The following CNST variants were observed in gnomAD, a reference collection of about 807,000 sequenced individuals.
CNST encodes the protein consortin, connexin sorting protein, also known as consortin.
A neutral mutation model predicts 72.4 loss-of-function variants in CNST; 39 were observed. That is an observed-to-expected ratio of 0.54 (90% CI 0.42 to 0.70). The LOEUF (loss-of-function observed/expected upper bound fraction) is 0.70. Ranked by LOEUF, CNST falls within the 30% of genes least tolerant of loss-of-function variation. The pLI is 0.00. For missense variants in CNST, 871 were observed against 868.5 expected (o/e 1.00, Z -0.04); for synonymous variants, 332 against 320.1 (o/e 1.04, Z -0.40).
chr1:246,623,684 C>CTAA (rs1280437274), intron 3 of CNST, among the ~76,000 whole-genome samples: 4 of 152,032 alleles, frequency 2.6e-5, no homozygotes, highest in Admixed American at 2.0e-4. Context: ...ATTGCTTGAA[C>CTAA]CCAGGAGGCG....
At chr1:246,600,497 G>A (rs1268879140) in intron 2 of CNST, among the ~76,000 whole-genome samples, 1 of 152,174 alleles carries the variant, frequency 6.6e-6, no homozygotes, top group Non-Finnish European at 1.5e-5. Flanking sequence ...TAATGAGAGA[G>A]TAGCTGTACG....
chr1:246,589,824 G>A (rs548933336), intron 1 of CNST, among the ~76,000 whole-genome samples: 10 of 152,134 alleles, frequency 6.6e-5, no homozygotes, highest in Admixed American at 6.5e-5. Context: ...GTGTGAGATG[G>A]TATCTCACTG....
rs147426787 is a variant in CNST, at chr1:246,591,630, A to C, written c.68A>C (p.Asp23Ala). ...IEPQDGCHPGDSVERSVTCLP... is the reference protein window; with the variant it reads ...IEPQDGCHPGASVERSVTCLP... ...CCACAAGATGGATGTCATCCTGGTGACAGCGTGGAAAGGAGTGTGACCTGT... is the reference window on the plus strand; with the variant it reads ...CCACAAGATGGATGTCATCCTGGTGCCAGCGTGGAAAGGAGTGTGACCTGT... Residue 23 changes from aspartate (D) to alanine (A), a missense_variant, in exon 2 of 11, where the codon GAC becomes GCC. Coordinates refer to ENST00000366513, the MANE Select transcript of CNST (RefSeq NM_152609.3). 6.2e-7 allele frequency: 1 copy of C among 1,614,232 alleles called. No individual in the cohort carries two copies. The highest frequency in any genetic ancestry group is 1.3e-5 in the African/African-American group (1 of 75,064).
At chr1:246,637,291 G>T (rs891488969) in intron 6 of CNST, among the ~76,000 whole-genome samples, 1 of 152,168 alleles carries the variant, frequency 6.6e-6, no homozygotes, top group African/African-American at 2.4e-5. Context: ...GTCCACTTTG[G>T]TTGTAGCTTT....
intron 1 of CNST, among the ~76,000 whole-genome samples, chr1:246,575,471 G>A (rs903572788): frequency 5.3e-5 from 8 of 152,120 alleles, no homozygotes; most frequent in Admixed American, 5.2e-4. Flanking sequence ...GCAATAGACC[G>A]CATATTGTAT....
intron 1 of CNST, among the ~76,000 whole-genome samples, chr1:246,584,496 A>G (rs1236511777): frequency 6.6e-6 from 1 of 152,170 alleles, no homozygotes; most frequent in Non-Finnish European, 1.5e-5. Context: ...TCTTTCCATT[A>G]TGATGAAAAA....
Position 246,578,429 on chromosome 1 carries a change from T to C in CNST, c.-52+11766T>C, listed in dbSNP as rs1056044773. 9.9e-5 allele frequency among the ~76,000 whole-genome samples: 15 copies of C among 151,988 alleles called. 1 individual carries two copies. Among genetic ancestry groups the C allele is most frequent in the African/African-American group, 3.6e-4 (15 of 41,270 alleles). On this transcript the variant is annotated intron_variant, in intron 1 of 10. Coordinates refer to ENST00000366513, the MANE Select transcript of CNST (RefSeq NM_152609.3). The stretch of plus-strand genomic sequence containing the variant: ...GGCTCACGCCTGTAATCCCAGCACT[T>C]TGGGAGGCTGAGGTGGGCGGATCAT...
chr1:246,574,664 C>T (rs1032000326), intron 1 of CNST, among the ~76,000 whole-genome samples: 4 of 151,868 alleles, frequency 2.6e-5, no homozygotes, highest in African/African-American at 4.8e-5. Context: ...CCTCCAGGAG[C>T]GATCCTCCAG....
intron 9 of CNST, among the ~76,000 whole-genome samples, chr1:246,652,890 G>T (rs1463447728): frequency 6.6e-6 from 1 of 151,222 alleles, no homozygotes; most frequent in East Asian, 1.9e-4. Flanking sequence ...TGTAGTCCCA[G>T]CTACTCGGGA....
rs901751968 is a variant in CNST at position 246,667,676 on chromosome 1, G to A, written c.*1771G>A. On this transcript the variant is annotated 3_prime_UTR_variant, in exon 11 of 11. Coordinates refer to ENST00000366513, the MANE Select transcript of CNST (RefSeq NM_152609.3). The stretch of plus-strand genomic sequence containing the variant: ...AAATTGTATGTAAAATATGTAAAAT[G>A]TTGACGGTACTATATTAAGTGGTTC... The A allele has an allele frequency of 6.6e-6, 1 of 152,148 alleles. No individual in the cohort carries two copies. The highest frequency in any genetic ancestry group is 2.4e-5 in the African/African-American group (1 of 41,418). 9.4% of individuals were successfully genotyped at this position (152,148 alleles called of 1,614,324 possible).
intron 9 of CNST, among the ~76,000 whole-genome samples, chr1:246,654,781 A>G (rs1666681452): frequency 6.6e-6 from 1 of 151,836 alleles, no homozygotes; most frequent in East Asian, 1.9e-4. Flanking sequence ...TACTCAAACA[A>G]GTATTTGCTA....
chr1:246,646,747 T>C (rs904718512), intron 8 of CNST, among the ~76,000 whole-genome samples: 8 of 152,246 alleles, frequency 5.3e-5, no homozygotes, highest in Non-Finnish European at 1.2e-4. Flanking sequence ...CCCAAAGTGC[T>C]GGGACTACAG....
intron 1 of CNST, among the ~76,000 whole-genome samples, chr1:246,576,563 T>G (rs1660449951): frequency 6.6e-6 from 1 of 151,366 alleles, no homozygotes; most frequent in Non-Finnish European, 1.5e-5. Context: ...TGGTATGATC[T>G]CCACTCACTG....
In CNST at chr1:246,639,703, C is replaced by T. The variant is rs576285246; in HGVS notation, c.819-2046C>T. On this transcript the variant is annotated intron_variant, in intron 6 of 10. Coordinates refer to ENST00000366513, the MANE Select transcript of CNST (RefSeq NM_152609.3). ...AGGTTGTGAGCAAGGGCCCGGGTTT[C>T]GGCACCAGGTGCAAGGCACTAGTAT... Among the ~76,000 whole-genome samples, 41 of 152,264 alleles carry T rather than the reference C, an allele frequency of 2.7e-4. No homozygotes were observed. In the South Asian group the frequency reaches 6.2e-3, roughly 23 times the overall value.
At chr1:246,589,871 A>G (rs893334865) in intron 1 of CNST, among the ~76,000 whole-genome samples, 7 of 152,116 alleles carry the variant, frequency 4.6e-5, no homozygotes, top group Non-Finnish European at 1.0e-4. Context: ...GCCAGTGATG[A>G]TGAGCATTTT....
chr1:246,609,673 C>T (rs941888921), intron 2 of CNST, among the ~76,000 whole-genome samples: 1 of 152,164 alleles, frequency 6.6e-6, no homozygotes, highest in African/African-American at 2.4e-5. Context: ...AAAAAGGGAG[C>T]AGGGCAGAGA....
intron 8 of CNST, among the ~76,000 whole-genome samples, chr1:246,646,203 C>T (rs1187388518): frequency 6.9e-6 from 1 of 145,774 alleles, no homozygotes; most frequent in Non-Finnish European, 1.5e-5. Context: ...TGGTGTGAAC[C>T]CGGGAGGCGG....
intron 6 of CNST, among the ~76,000 whole-genome samples, chr1:246,640,706 T>C (rs1448401968): frequency 2.0e-5 from 3 of 152,232 alleles, no homozygotes; most frequent in Non-Finnish European, 4.4e-5. Context: ...CAGGTAATTG[T>C]TGTGTAGCTC....
At chr1:246,612,587 C>A (rs1663396440) in intron 2 of CNST, among the ~76,000 whole-genome samples, 1 of 152,052 alleles carries the variant, frequency 6.6e-6, no homozygotes, top group Non-Finnish European at 1.5e-5. Flanking sequence ...AAAAAAATAG[C>A]CCCCCAAAAT....
Sources: gnomAD v4.1 joint callset for allele counts (sites outside exome capture counted in the v4.1 genomes callset) on GRCh38, gnomAD v4.1.1 for gene constraint, MANE v1.5 for transcripts, NCBI Gene and HGNC (gene_info 2026-07-23, HGNC 2026-07-21) for gene names.